The following KIF26B variants were observed in gnomAD, a reference collection of about 807,000 sequenced individuals.
KIF26B encodes the protein kinesin-like protein KIF26B.
A neutral mutation model predicts 151.2 loss-of-function variants in KIF26B; 63 were observed. That is an observed-to-expected ratio of 0.42 (90% CI 0.34 to 0.51). The LOEUF is 0.51. KIF26B is among the 20% of genes least tolerant of loss of function. The pLI, the probability that KIF26B is intolerant of heterozygous loss-of-function variation, is 0.07. For missense variants in KIF26B, 2,813 were observed against 2,913.6 expected (o/e 0.97, Z 0.79); for synonymous variants, 1,357 against 1,262.1 (o/e 1.08, Z -1.59).
At chr1:245,236,710 G>T (rs760731565) in intron 2 of KIF26B, among the ~76,000 whole-genome samples, 1 of 152,192 alleles carries the variant, frequency 6.6e-6, no homozygotes, top group Non-Finnish European at 1.5e-5. Context: ...ACAATGGAGT[G>T]TAGAAATAAA....
At chr1:245,257,739 A>G (rs1670564307) in intron 2 of KIF26B, among the ~76,000 whole-genome samples, 1 of 152,172 alleles carries the variant, frequency 6.6e-6, no homozygotes, top group Non-Finnish European at 1.5e-5. Context: ...AAAGTTGGTC[A>G]GGCCGGGTGC....
At chr1:245,521,656 C>T (rs1661113345) in intron 4 of KIF26B, among the ~76,000 whole-genome samples, 1 of 152,086 alleles carries the variant, frequency 6.6e-6, no homozygotes, top group Non-Finnish European at 1.5e-5. Flanking sequence ...TCAGTGGTGT[C>T]AGTGATTTTG....
Position 245,478,121 on chromosome 1 carries a change from C to G in KIF26B, c.1166+58376C>G, listed in dbSNP as rs1572082515. Among the ~76,000 whole-genome samples, 2 of 151,938 alleles carry G rather than the reference C, an allele frequency of 1.3e-5. 1 individual carries two copies. Among genetic ancestry groups the G allele is most frequent in the South Asian group, 4.2e-4 (2 of 4,772 alleles). On this transcript the variant is annotated intron_variant, in intron 4 of 14. Transcript: ENST00000407071. The stretch of plus-strand genomic sequence containing the variant: ...TCTGTGTCTGCTTTCTTTCACGTCA[C>G]ATAATGGTTTCAAAGTCCATCCATG...
At position 245,563,805 on chromosome 1, in the gene KIF26B, C is replaced by T. The variant is rs968372806; in HGVS notation, c.1350+22855C>T. Among the ~76,000 whole-genome samples, 1 of 152,044 alleles carries T rather than the reference C, an allele frequency of 6.6e-6. No homozygotes were observed. The highest frequency in any genetic ancestry group is 2.4e-5 in the African/African-American group (1 of 41,384). On this transcript the variant is annotated intron_variant, in intron 5 of 14. Coordinates refer to ENST00000407071, the MANE Select transcript of KIF26B (RefSeq NM_018012.4). This position sits in a 1 kb window ranked among gnomAD's most constrained non-coding sequence, Gnocchi z 4.6. ...GCGTTACCAGCAATCCCAAGAGGAC[C>T]CCAGACCCTCTGAAGGAAGCGGGCT...
intron 2 of KIF26B, among the ~76,000 whole-genome samples, chr1:245,269,368 A>G (rs1318640355): frequency 2.0e-5 from 3 of 150,962 alleles, no homozygotes; most frequent in Non-Finnish European, 4.4e-5. Flanking sequence ...CCTCATCTAA[A>G]TAGAATCACA....
In KIF26B at chr1:245,376,187, C is replaced by T. The variant is rs974897848; in HGVS notation, c.999+8820C>T. ...CTTTTGATCTGATAGAAGGAGATCT[C>T]ACAGAACTGCCCCAGCAATAATTCT... On this transcript the variant is annotated intron_variant, in intron 3 of 14. Transcript: ENST00000407071. 3.8e-4 allele frequency among the ~76,000 whole-genome samples: 58 copies of T among 152,154 alleles called. 1 individual carries two copies. The highest frequency in any genetic ancestry group is 1.3e-3 in the African/African-American group (53 of 41,440).
chr1:245,494,569 A>G (rs1039992476), intron 4 of KIF26B, among the ~76,000 whole-genome samples: 2 of 152,198 alleles, frequency 1.3e-5, no homozygotes, highest in African/African-American at 2.4e-5. Context: ...AGTTGTTTCA[A>G]TGAAAAATGA....
intron 4 of KIF26B, among the ~76,000 whole-genome samples, chr1:245,431,849 C>G (rs1658790167): frequency 6.6e-6 from 1 of 152,168 alleles, no homozygotes; most frequent in Non-Finnish European, 1.5e-5. Flanking sequence ...GCAGTAAAAG[C>G]AAAAGGTTTT....
In KIF26B at chr1:245,241,517, G is replaced by A. The variant is rs1308759501; in HGVS notation, c.465+84834G>A. The stretch of plus-strand genomic sequence containing the variant: ...GAATCCCAGGACCCCCAAAGTGGGA[G>A]AAGGGCTCCCAGGTGCCTTACAGGT... On this transcript the variant is annotated intron_variant, in intron 2 of 14. Transcript: ENST00000407071. The surrounding 1 kb of genome is among the most constrained non-coding windows in gnomAD (Gnocchi z 5.0). Among the ~76,000 whole-genome samples, 4 of 152,220 alleles carry A rather than the reference G, an allele frequency of 2.6e-5. No individual in the cohort carries two copies. The highest frequency in any genetic ancestry group is 5.9e-5 in the Non-Finnish European group (4 of 68,024).
chr1:245,184,715 A>G (rs1293323325), intron 2 of KIF26B, among the ~76,000 whole-genome samples: 4 of 152,228 alleles, frequency 2.6e-5, no homozygotes, highest in Non-Finnish European at 5.9e-5. Flanking sequence ...CATTGATGCA[A>G]TTAAAATGAA....
intron 2 of KIF26B, among the ~76,000 whole-genome samples, chr1:245,287,613 C>T (rs1050703698): frequency 3.3e-5 from 5 of 151,554 alleles, no homozygotes; most frequent in African/African-American, 9.7e-5. Context: ...AAGTGATGCT[C>T]CCGCCTCAGC....
chr1:245,433,382 G>A (rs998731326), intron 4 of KIF26B, among the ~76,000 whole-genome samples: 5 of 151,394 alleles, frequency 3.3e-5, no homozygotes, highest in African/African-American at 4.9e-5. Flanking sequence ...CAGGAGAATC[G>A]CTTGAACCTG....
chr1:245,188,300 AAAG>A (rs1669036518), intron 2 of KIF26B, among the ~76,000 whole-genome samples: 1 of 151,374 alleles, frequency 6.6e-6, no homozygotes, highest in African/African-American at 2.4e-5. Flanking sequence ...AAAAAAAAAA[AAAG>A]AGGCAAATTC....
intron 3 of KIF26B, among the ~76,000 whole-genome samples, chr1:245,408,509 C>G (rs1438758548): frequency 6.6e-6 from 1 of 151,978 alleles, no homozygotes; most frequent in Non-Finnish European, 1.5e-5. Flanking sequence ...CACACGCCAC[C>G]ATGCCTGGCT....
chr1:245,198,273 A>G (rs1367246906), intron 2 of KIF26B, among the ~76,000 whole-genome samples: 1 of 152,236 alleles, frequency 6.6e-6, no homozygotes, highest in Non-Finnish European at 1.5e-5. Flanking sequence ...ATCAGTACTT[A>G]CTATGCTATG....
At chr1:245,541,364 C>T (rs1036552239) in intron 5 of KIF26B, among the ~76,000 whole-genome samples, 1 of 152,190 alleles carries the variant, frequency 6.6e-6, no homozygotes, top group Non-Finnish European at 1.5e-5. Flanking sequence ...CAGAGAAATC[C>T]TGACTTCTGC....
intron 4 of KIF26B, among the ~76,000 whole-genome samples, chr1:245,450,721 A>C (rs990955165): frequency 4.6e-5 from 7 of 152,254 alleles, no homozygotes; most frequent in African/African-American, 1.7e-4. Flanking sequence ...ACTAAAAGAC[A>C]CTATGGCACA....
intron 2 of KIF26B, among the ~76,000 whole-genome samples, chr1:245,169,352 T>TGTGTGTGTGTGTGTGTGTGTGC (rs1668669504): frequency 6.6e-6 from 1 of 151,868 alleles, no homozygotes; most frequent in Non-Finnish European, 1.5e-5. Context: ...TGTGTGTGTG[T>TGTGTGTGTGTGTGTGTGTGTGC]GTGTGTGTGT....
chr1:245,457,144 G>A (rs1255143590), intron 4 of KIF26B, among the ~76,000 whole-genome samples: 5 of 152,142 alleles, frequency 3.3e-5, no homozygotes, highest in African/African-American at 9.6e-5. Flanking sequence ...GGGATTACAG[G>A]CATGAGCCAC....
Sources: gnomAD v4.1 joint callset for allele counts (sites outside exome capture counted in the v4.1 genomes callset) on GRCh38, gnomAD v4.1.1 for gene constraint, Gnocchi (gnomAD v3.1) non-coding constraint, MANE v1.5 for transcripts, NCBI Gene and HGNC (gene_info 2026-07-23, HGNC 2026-07-21) for gene names.